Variants in NELL1 observed in about 807,000 individuals in gnomAD.
The protein encoded by NELL1 is protein kinase C-binding protein NELL1.
A neutral mutation model predicts 107.4 loss-of-function variants in NELL1; 76 were observed. The observed-to-expected ratio is 0.71, with a 90% CI of 0.59 to 0.86. The LOEUF is 0.86. Ranked by LOEUF, NELL1 falls within the 40% of genes least tolerant of loss-of-function variation. NELL1 has a pLI of 0.00. For missense variants in NELL1, 1,024 were observed against 1,005.5 expected, an observed-to-expected ratio of 1.02 and a Z score of -0.25; for synonymous variants, 353 against 341.2, an observed-to-expected ratio of 1.03 and a Z score of -0.38.
chr11:21,034,809 A>G (rs755182331), intron 12 of NELL1, among the ~76,000 whole-genome samples: 6 of 152,068 alleles, frequency 3.9e-5, no homozygotes, highest in Non-Finnish European at 8.8e-5. Context: ...TCTCAAGTTA[A>G]CCTAACATCA....
intron 13 of NELL1, among the ~76,000 whole-genome samples, chr11:21,164,604 C>T (rs1198217425): frequency 6.6e-6 from 1 of 151,932 alleles, no homozygotes; most frequent in Non-Finnish European, 1.5e-5. Flanking sequence ...TTCACTTGTC[C>T]CACTTCTGAA....
chr11:20,877,252 A>G (rs529756476), intron 4 of NELL1, among the ~76,000 whole-genome samples: 14 of 152,334 alleles, frequency 9.2e-5, no homozygotes, highest in South Asian at 2.1e-4. Context: ...AGAGCATGAG[A>G]GCTTCTCTTC....
At chr11:21,012,406 G>A (rs757174974) in intron 12 of NELL1, among the ~76,000 whole-genome samples, 9 of 152,014 alleles carry the variant, frequency 5.9e-5, no homozygotes, top group Non-Finnish European at 1.2e-4. Flanking sequence ...TGAAATTAGG[G>A]TCATCAGAAA....
At chr11:20,699,234 AC>A (rs1041569989) in intron 2 of NELL1, among the ~76,000 whole-genome samples, 32 of 152,110 alleles carry the variant, frequency 2.1e-4, no homozygotes, top group East Asian at 3.9e-4. Context: ...AACAAAAAAA[AC>A]AAAACAAACA....
At chr11:20,792,423 C>T (rs1303834026) in intron 3 of NELL1, among the ~76,000 whole-genome samples, 2 of 151,882 alleles carry the variant, frequency 1.3e-5, no homozygotes, top group Admixed American at 6.6e-5. Context: ...TTTTTTCTTT[C>T]CAACTTTAAT....
intron 15 of NELL1, among the ~76,000 whole-genome samples, chr11:21,533,387 T>G (rs1011751017): frequency 3.3e-5 from 5 of 152,204 alleles, no homozygotes; most frequent in Non-Finnish European, 7.3e-5. Context: ...TTAATTAAAT[T>G]TATATTCATA....
At chr11:21,368,657 A>T (rs1004397489) in intron 14 of NELL1, among the ~76,000 whole-genome samples, 9 of 152,060 alleles carry the variant, frequency 5.9e-5, no homozygotes, top group African/African-American at 2.2e-4. Flanking sequence ...CCTTGTTAGG[A>T]AACAAATCAA....
chr11:21,282,568 T>C (rs1849022257), intron 14 of NELL1, among the ~76,000 whole-genome samples: 1 of 151,780 alleles, frequency 6.6e-6, no homozygotes, highest in Admixed American at 6.6e-5. Flanking sequence ...CCCAACACTG[T>C]TGGTGGGAAT....
chr11:20,977,847 A>G (rs1010426937), intron 12 of NELL1, among the ~76,000 whole-genome samples: 12 of 152,152 alleles, frequency 7.9e-5, no homozygotes, highest in Non-Finnish European at 7.3e-5. Flanking sequence ...TACAACTTCT[A>G]TGTTTATATT....
chr11:21,524,497 T>A (rs1157736302), intron 15 of NELL1, among the ~76,000 whole-genome samples: 1 of 152,168 alleles, frequency 6.6e-6, no homozygotes, highest in Non-Finnish European at 1.5e-5. Flanking sequence ...GACTTCTTGG[T>A]GGAATTAAGA....
At chr11:20,748,886 AT>A (rs1856065279) in intron 2 of NELL1, among the ~76,000 whole-genome samples, 1 of 147,874 alleles carries the variant, frequency 6.8e-6, no homozygotes, top group African/African-American at 2.6e-5. Context: ...CCATCCATCC[AT>A]CCATCCATCC....
intron 16 of NELL1, among the ~76,000 whole-genome samples, chr11:21,541,953 C>T (rs192500185): frequency 5.6e-4 from 85 of 152,190 alleles, no homozygotes; most frequent in Non-Finnish European, 9.9e-4. Context: ...AGACACTGCT[C>T]TCAGCAATTT....
rs144124423 is a variant in NELL1 at position 21,209,229 on chromosome 11, A to G, written c.1427-20103A>G. Among the ~76,000 whole-genome samples, 983 of 151,906 alleles carry G rather than the reference A, an allele frequency of 6.5e-3. 12 individuals are homozygous for G. Among genetic ancestry groups the G allele is most frequent in the African/African-American group, 0.022 (895 of 41,472 alleles). On this transcript the variant is annotated intron_variant, in intron 13 of 19. Transcript: ENST00000357134. ...CTTTCAGCCTAAAGCACAGATTTTC[A>G]GATTTTACATTCTAGGAACCATCTT...
At chr11:20,932,626 A>T (rs1312507153) in intron 9 of NELL1, among the ~76,000 whole-genome samples, 1 of 152,198 alleles carries the variant, frequency 6.6e-6, no homozygotes, top group East Asian at 1.9e-4. Context: ...TAATTCTTCC[A>T]ACAACTTTAA....
At chr11:21,373,410 T>C (rs750974069) in intron 15 of NELL1, among the ~76,000 whole-genome samples, 4 of 152,128 alleles carry the variant, frequency 2.6e-5, no homozygotes, top group Non-Finnish European at 4.4e-5. Flanking sequence ...GAATTGTGAA[T>C]GTCTTGTGGC....
chr11:20,926,742 CTT>C (rs1645554123), intron 7 of NELL1, among the ~76,000 whole-genome samples: 1 of 152,156 alleles, frequency 6.6e-6, no homozygotes, highest in African/African-American at 2.4e-5. Flanking sequence ...TCCTGTCCTT[CTT>C]CTAAGCACAA....
intron 5 of NELL1, among the ~76,000 whole-genome samples, chr11:20,915,446 T>G (rs73456743): frequency 0.15 from 22,080 of 151,296 alleles, 2,904 homozygotes; most frequent in African/African-American, 0.36. Context: ...CTCAAGGTGA[T>G]TCTCAGGAAC....
intron 12 of NELL1, among the ~76,000 whole-genome samples, chr11:21,028,362 A>C (rs185119186): frequency 2.6e-4 from 40 of 152,274 alleles, no homozygotes; most frequent in Non-Finnish European, 4.4e-4. Context: ...TGCAGGCTTA[A>C]TGCACTTTGG....
At chr11:21,099,342 C>CCTG (rs1188638337) in intron 12 of NELL1, among the ~76,000 whole-genome samples, 1 of 151,988 alleles carries the variant, frequency 6.6e-6, no homozygotes, top group African/African-American at 2.4e-5. Context: ...GAGCAGGAGG[C>CCTG]AGCAGCCCTG....
Sources: gnomAD v4.1 joint callset for allele counts (sites outside exome capture counted in the v4.1 genomes callset) on GRCh38, gnomAD v4.1.1 for gene constraint, MANE v1.5 for transcripts, NCBI Gene and HGNC (gene_info 2026-07-23, HGNC 2026-07-21) for gene names.